Variants in TSC22D1 observed in about 807,000 individuals in gnomAD.
TSC22D1 encodes TSC22 domain family member 1.
Under a neutral mutation model 74.2 loss-of-function variants are expected in TSC22D1, and 9 were observed. The observed-to-expected ratio is 0.12, with a 90% CI of 0.07 to 0.21. The LOEUF (loss-of-function observed/expected upper bound fraction) is 0.21. Ranked by LOEUF, TSC22D1 falls within the 10% of genes least tolerant of loss-of-function variation. The probability of loss-of-function intolerance (pLI) is 1.00; values close to 1 mark genes in which losing one functional copy is unlikely to be tolerated. For missense variants in TSC22D1, 1,427 were observed against 1,304.7 expected (o/e 1.09, Z -1.44); for synonymous variants, 586 against 492.5 (o/e 1.19, Z -2.51).
At chr13:44,552,395 G>C (rs910253601) in intron 1 of TSC22D1, among the ~76,000 whole-genome samples, 9 of 152,148 alleles carry the variant, frequency 5.9e-5, no homozygotes, top group African/African-American at 2.2e-4. Context: ...CCATACTGAT[G>C]GCAATTGAAG....
chr13:44,489,414 A>G (rs1878599840), intron 1 of TSC22D1, among the ~76,000 whole-genome samples: 1 of 152,144 alleles, frequency 6.6e-6, no homozygotes, highest in Non-Finnish European at 1.5e-5. Flanking sequence ...ATAAGAGAAC[A>G]AAAATTTAAG....
In TSC22D1 at chr13:44,575,644, G is replaced by A. The variant is rs1352630584; in HGVS notation, c.431C>T (p.Ser144Phe). 3 of 1,614,098 alleles carry A rather than the reference G, an allele frequency of 1.9e-6. No individual in the cohort carries two copies. The highest frequency in any genetic ancestry group is 2.5e-6 in the Non-Finnish European group (3 of 1,180,048). The change falls in exon 1 of 3, where the codon TCT (serine) becomes TTT (phenylalanine). Residue 144 changes from serine (S) to phenylalanine (F), a missense_variant. Ser to Phe is a radical substitution (Grantham distance 155). This residue lies in a region of TSC22D1 where 1,343 missense variants were observed against 1,191.5 expected (regional missense o/e 1.13). Coordinates refer to ENST00000458659, the MANE Select transcript of TSC22D1 (RefSeq NM_183422.4). ...CGAAGAAGAGAGATCTTCCGTGTGA[G>A]ATTCATCCAGATCATCATAGCTCTC... ...DTESYDDLDE[S>F]HTEDLSSSEI...
At chr13:44,436,810 T>C in intron 1 of TSC22D1, 3 of 1,388,668 alleles carry the variant, frequency 2.2e-6, no homozygotes, top group East Asian at 2.6e-5. Flanking sequence ...CCCAGTGCCG[T>C]GAAGAGGCGC....
intron 1 of TSC22D1, among the ~76,000 whole-genome samples, chr13:44,473,226 G>A (rs1171661503): frequency 3.3e-5 from 5 of 152,100 alleles, no homozygotes; most frequent in Non-Finnish European, 5.9e-5. Context: ...CAGGCACAAC[G>A]GCACAGGCCT....
chr13:44,471,443 C>T (rs943805559), intron 1 of TSC22D1, among the ~76,000 whole-genome samples: 1 of 152,040 alleles, frequency 6.6e-6, no homozygotes, highest in African/African-American at 2.4e-5. Flanking sequence ...AGTTAAATAG[C>T]CGGAATGTTA....
chr13:44,463,247 AT>A (rs1219045178), intron 1 of TSC22D1, among the ~76,000 whole-genome samples: 1 of 152,168 alleles, frequency 6.6e-6, no homozygotes, highest in Non-Finnish European at 1.5e-5. Flanking sequence ...GCTACATGGT[AT>A]TTCCTAAAAT....
At position 44,574,067 on chromosome 13, in the gene TSC22D1, C is replaced by T. The variant is rs531498658; in HGVS notation, c.2008G>A (p.Gly670Arg). The T allele has an allele frequency of 1.4e-5, 23 of 1,614,162 alleles. No homozygotes were observed. Among genetic ancestry groups the T allele is most frequent in the African/African-American group, 4.0e-5 (3 of 75,048 alleles). ...CCTACTCCTGCAGAACTGGGCTGTCCGGAGGACATTGCTGTTTGAAGAATT... is the reference window on the plus strand; with the variant it reads ...CCTACTCCTGCAGAACTGGGCTGTCTGGAGGACATTGCTGTTTGAAGAATT... ...QPILQTAMSS[G>R]QPSSAGVGAG... is the part of the protein sequence containing the mutation. The change falls in exon 1 of 3, where the codon GGA (glycine) becomes AGA (arginine). Residue 670 changes from glycine (G) to arginine (R), a missense_variant. Gly to Arg is a moderately radical substitution (Grantham distance 125). Coordinates refer to ENST00000458659, the MANE Select transcript of TSC22D1 (RefSeq NM_183422.4).
chr13:44,547,480 A>G (rs1490018043), intron 1 of TSC22D1, among the ~76,000 whole-genome samples: 1 of 152,234 alleles, frequency 6.6e-6, no homozygotes, highest in Non-Finnish European at 1.5e-5. Context: ...TACAGCAAGC[A>G]TATCATAGAA....
intron 1 of TSC22D1, among the ~76,000 whole-genome samples, chr13:44,470,460 T>C (rs1877536677): frequency 1.3e-5 from 2 of 152,194 alleles, no homozygotes; most frequent in African/African-American, 2.4e-5. Context: ...TATTATCTCA[T>C]TCATACAAAT....
At chr13:44,556,271 C>T (rs937215571) in intron 1 of TSC22D1, among the ~76,000 whole-genome samples, 1 of 150,884 alleles carries the variant, frequency 6.6e-6, no homozygotes, top group Non-Finnish European at 1.5e-5. Context: ...TGGGGCCGTG[C>T]ACGGTGACTC....
intron 1 of TSC22D1, chr13:44,537,598 G>T (rs780785659): frequency 3.0e-5 from 30 of 984,060 alleles, no homozygotes; most frequent in Admixed American, 1.2e-4. Flanking sequence ...ATGGACAGTT[G>T]TTTTTTTTAA....
At chr13:44,502,740 T>C (rs1177715906) in intron 1 of TSC22D1, among the ~76,000 whole-genome samples, 2 of 152,204 alleles carry the variant, frequency 1.3e-5, no homozygotes, top group African/African-American at 2.4e-5. Flanking sequence ...TGACTAAGCT[T>C]ACATAGCTAG....
chr13:44,485,394 C>T (rs976994271), intron 1 of TSC22D1, among the ~76,000 whole-genome samples: 2 of 152,006 alleles, frequency 1.3e-5, no homozygotes, highest in African/African-American at 4.8e-5. Context: ...AATTGTATAG[C>T]AATTCTTTCA....
chr13:44,574,186 C>A lies in TSC22D1; in HGVS notation c.1889G>T (p.Gly630Val), dbSNP rs750544954. Residue 630 changes from glycine (G) to valine (V), a missense_variant, in exon 1 of 3, where the codon GGA (glycine) becomes GTA (valine). Physicochemically the swap from Gly to Val is moderately radical, Grantham distance 109. Transcript: ENST00000458659. The stretch of plus-strand genomic sequence containing the variant: ...TGTAGAAACCATTGGTTGCTGTTGT[C>A]CATACTGTAACTGTTGGGGTGGTGG... ...GAPPPQQLQY[G>V]QQQPMVSTQM... The A allele has an allele frequency of 5.6e-6, 9 of 1,613,952 alleles. No homozygotes were observed. The highest frequency in any genetic ancestry group is 1.1e-5 in the South Asian group (1 of 91,076).
intron 1 of TSC22D1, among the ~76,000 whole-genome samples, chr13:44,506,325 C>T (rs952144545): frequency 6.6e-6 from 1 of 152,182 alleles, no homozygotes; most frequent in African/African-American, 2.4e-5. Context: ...AGCAGTCTAC[C>T]TTTGCAGGGT....
At chr13:44,491,553 C>CAAAAA (rs1166772028) in intron 1 of TSC22D1, among the ~76,000 whole-genome samples, 5 of 56,064 alleles carry the variant, frequency 8.9e-5, no homozygotes, top group East Asian at 5.8e-4. Context: ...GACTCCGTCT[C>CAAAAA]AAAAAAAAAA....
chr13:44,465,144 G>C (rs1274383635), intron 1 of TSC22D1, among the ~76,000 whole-genome samples: 1 of 152,170 alleles, frequency 6.6e-6, no homozygotes, highest in Non-Finnish European at 1.5e-5. Flanking sequence ...TAGAAGAAAT[G>C]TCTGAAGGAA....
intron 1 of TSC22D1, among the ~76,000 whole-genome samples, chr13:44,480,822 T>C (rs1878141486): frequency 6.6e-6 from 1 of 152,206 alleles, no homozygotes; most frequent in Admixed American, 6.5e-5. Flanking sequence ...TGTTTTTTGG[T>C]TGTTTTACAT....
chr13:44,509,641 T>G (rs9533882), intron 1 of TSC22D1, among the ~76,000 whole-genome samples: 69,232 of 151,822 alleles, frequency 0.46, 16,276 homozygotes, highest in Non-Finnish European at 0.52. Flanking sequence ...CTCCATCCAT[T>G]ATTTTATACA....
Sources: gnomAD v4.1 joint callset for allele counts (sites outside exome capture counted in the v4.1 genomes callset) on GRCh38, gnomAD v4.1.1 for gene constraint, gnomAD v4.1.1 regional missense constraint, MANE v1.5 for transcripts, NCBI Gene and HGNC (gene_info 2026-07-23, HGNC 2026-07-21) for gene names.